The following MDH1 variants were observed in gnomAD, a reference collection of about 807,000 sequenced individuals.
The protein encoded by MDH1 is malate dehydrogenase 1, also known as malate dehydrogenase, cytoplasmic.
MDH1 carries 15 observed loss-of-function variants against 38.7 expected under a neutral mutation model. The ratio of observed to expected loss-of-function variants is 0.39; its 90% CI spans 0.26 to 0.60. MDH1 has a LOEUF of 0.60. Ranked by LOEUF, MDH1 falls within the 20% of genes least tolerant of loss-of-function variation. The probability of loss-of-function intolerance (pLI) is 0.56; values close to 1 mark genes in which losing one functional copy is unlikely to be tolerated. For synonymous variants in MDH1, 144 were observed against 143.6 expected (o/e 1.00, Z -0.02); for missense variants, 368 against 405.2 (o/e 0.91, Z 0.79).
rs796718833 is a variant in MDH1, at chr2:63,606,658, G to GTT, written c.880-193_880-192dup. Among the ~76,000 whole-genome samples the GTT allele has an allele frequency of 4.1e-5, 6 of 145,176 alleles. 1 individual carries two copies. The highest frequency in any genetic ancestry group is 1.0e-4 in the African/African-American group (4 of 39,824). ...TGTGCTAAAGTCAGTCATTTTTGAAGTTTTTTTTTTTTAGATTCAAGGGGT... is the reference window on the plus strand; with the variant it reads ...TGTGCTAAAGTCAGTCATTTTTGAAGTTTTTTTTTTTTTTAGATTCAAGGGGT... On this transcript the variant is annotated intron_variant, in intron 8 of 8. Transcript: ENST00000233114.
At chr2:63,604,000 T>C (rs935465219) in intron 5 of MDH1, among the ~76,000 whole-genome samples, 1 of 152,238 alleles carries the variant, frequency 6.6e-6, no homozygotes, top group Non-Finnish European at 1.5e-5. Context: ...CTGTACTACA[T>C]GTGATTGCAA....
At chr2:63,604,659 T>G (rs1225525939) in intron 5 of MDH1, 37 bp from the exon 6 acceptor site, 1 of 1,534,948 alleles carries the variant, frequency 6.5e-7, no homozygotes, top group Non-Finnish European at 8.9e-7. Flanking sequence ...ATAAAAACCA[T>G]TTGTCTCAGT....
At chr2:63,589,175 G>T in intron 1 of MDH1, 129 bp downstream of exon 1, 1 of 1,609,378 alleles carries the variant, frequency 6.2e-7, no homozygotes, top group Non-Finnish European at 8.5e-7. Context: ...GGCAAGCTCG[G>T]ACTCATCTTC....
chr2:63,599,488 A>G (rs1311784222), intron 5 of MDH1, 196 bp downstream of exon 5: 1 of 422,352 alleles, frequency 2.4e-6, no homozygotes, highest in African/African-American at 2.1e-5. Flanking sequence ...AAAGGACCAG[A>G]GGCTGGACTT....
intron 3 of MDH1, among the ~76,000 whole-genome samples, chr2:63,596,702 C>G (rs928524245): frequency 2.2e-4 from 34 of 152,128 alleles, no homozygotes; most frequent in African/African-American, 8.2e-4. Context: ...AGTGAAAATG[C>G]TGAATGTTGG....
intron 1 of MDH1, among the ~76,000 whole-genome samples, chr2:63,589,642 T>C (rs10469945): frequency 0.8 from 122,292 of 152,222 alleles, 49,785 homozygotes; most frequent in East Asian, 0.98. Flanking sequence ...CATCACTAAC[T>C]AAATAACTAC....
At chr2:63,604,931 TAGGACAGAAAACCTTAAAGAGGGC>T in intron 6 of MDH1, 59 bp downstream of exon 6, 1 of 1,559,944 alleles carries the variant, frequency 6.4e-7, no homozygotes, top group Non-Finnish European at 8.7e-7. Context: ...GAGAGACTCT[TAGGACAGAAAACCTTAAAGAGGGC>T]AGGTCTTTCA....
Position 63,589,394 on chromosome 2 carries a change from G to A in MDH1, c.3+348G>A, listed in dbSNP as rs749430535. 1.9e-6 allele frequency: 3 copies of A among 1,550,160 alleles called. No individual in the cohort carries two copies. The East Asian group carries it at 7.3e-5, about 38-fold the overall frequency. Reference sequence around the variant, plus strand: ...TGATAAGGACGATAAGGTTTGCGATGGGAGGGAAAGGTTGGGTCCTAACCC... The same window carrying A: ...TGATAAGGACGATAAGGTTTGCGATAGGAGGGAAAGGTTGGGTCCTAACCC... On this transcript the variant is annotated intron_variant, in intron 1 of 8. Coordinates refer to ENST00000233114, the MANE Select transcript of MDH1 (RefSeq NM_005917.4).
At chr2:63,602,894 C>T (rs1286791823) in intron 5 of MDH1, among the ~76,000 whole-genome samples, 2 of 148,716 alleles carry the variant, frequency 1.3e-5, no homozygotes, top group South Asian at 2.1e-4. Flanking sequence ...TTATTTATTC[C>T]ATTGCCTATG....
intron 3 of MDH1, among the ~76,000 whole-genome samples, chr2:63,596,716 T>C (rs1380922324): frequency 3.9e-5 from 6 of 152,222 alleles, no homozygotes; most frequent in Non-Finnish European, 7.3e-5. Context: ...ATGTTGGTCA[T>C]AGCTTTTTTA....
chr2:63,597,783 A>AT, intron 4 of MDH1: 1 of 363,438 alleles, frequency 2.8e-6, no homozygotes, highest in Admixed American at 4.7e-5. Context: ...GCTCAAAAAT[A>AT]TTTTTCCTAT....
intron 1 of MDH1, chr2:63,590,749 A>G (rs1709182002): frequency 6.6e-6 from 1 of 152,232 alleles, no homozygotes; most frequent in Non-Finnish European, 1.5e-5. Context: ...GGTGCCAGAT[A>G]ACACAGAGAC....
In MDH1 at chr2:63,599,574, C is replaced by T. The variant is rs531934027; in HGVS notation, c.498+282C>T. 8 of 215,884 alleles carry T rather than the reference C, an allele frequency of 3.7e-5. No individual in the cohort carries two copies. The East Asian group carries it at 1.0e-3, about 28-fold the overall frequency. The allele number at this position is 215,884 out of a possible 1,614,324, so 13.4% of individuals were successfully genotyped here. A position where few individuals can be genotyped will look rare whatever the true frequency, so the allele number is the denominator to read the frequency against. ...TGCAGTTACTAATGTTCTCTTGTTA[C>T]AGTGGTTAAAAATTAGTTATACATG... On this transcript the variant is annotated intron_variant, in intron 5 of 8. Coordinates refer to ENST00000233114, the MANE Select transcript of MDH1 (RefSeq NM_005917.4).
In MDH1 at chr2:63,597,579, C is replaced by G; in HGVS notation, c.375+5C>G. The G allele has an allele frequency of 2.2e-6, 3 of 1,378,178 alleles. No homozygotes were observed. Among genetic ancestry groups the G allele is most frequent in the Non-Finnish European group, 1.9e-6 (2 of 1,053,710 alleles). 85.4% of individuals were successfully genotyped at this position (1,378,178 alleles called of 1,614,324 possible). On this transcript the variant is annotated splice_donor_5th_base_variant and intron_variant, in intron 4 of 8. Coordinates refer to ENST00000233114, the MANE Select transcript of MDH1 (RefSeq NM_005917.4). Reference sequence around the variant, plus strand: ...TACGCCAAGAAGTCAGTTAAGGTGACCAATGCTGTATTTTATGGGATTTTT... The same window carrying G: ...TACGCCAAGAAGTCAGTTAAGGTGAGCAATGCTGTATTTTATGGGATTTTT...
At chr2:63,590,150 G>A (rs772932684) in intron 1 of MDH1, 5 of 152,064 alleles carry the variant, frequency 3.3e-5, no homozygotes, top group Non-Finnish European at 5.9e-5. Flanking sequence ...TTATGGTTTC[G>A]GTAGTTTCTG....
intron 1 of MDH1, chr2:63,593,275 G>A (rs1304449838): frequency 1.5e-5 from 3 of 200,824 alleles, no homozygotes; most frequent in Admixed American, 5.1e-5. Flanking sequence ...TGTATTTTTA[G>A]TAGAGACGGG....
chr2:63,606,642 G>A (rs1419110854), intron 8 of MDH1, among the ~76,000 whole-genome samples: 1 of 151,752 alleles, frequency 6.6e-6, no homozygotes, highest in Non-Finnish European at 1.5e-5. Flanking sequence ...CTGTGCTAAA[G>A]TCAGTCATTT....
chr2:63,602,122 C>A (rs1281522373), intron 5 of MDH1, among the ~76,000 whole-genome samples: 1 of 152,132 alleles, frequency 6.6e-6, no homozygotes, highest in Admixed American at 6.5e-5. Context: ...TTAGATCGGT[C>A]AAAAGTGATT....
At chr2:63,589,258 G>T (rs1709097128) in intron 1 of MDH1, 3 of 1,551,850 alleles carry the variant, frequency 1.9e-6, no homozygotes, top group Non-Finnish European at 2.6e-6. Context: ...GCGCTCTTAG[G>T]AGGACTCTGG....
Sources: allele counts gnomAD v4.1 joint callset (sites outside exome capture counted in the v4.1 genomes callset), GRCh38; gene constraint gnomAD v4.1.1; transcripts MANE v1.5; gene names NCBI Gene and HGNC (gene_info 2026-07-23, HGNC 2026-07-21).